The following MIR2052HG variants were observed in gnomAD, a reference collection of about 807,000 sequenced individuals.
MIR2052HG encodes MIR2052 host gene.
chr8:74,712,530 A>T (rs1346955244), intron 4 of MIR2052HG, among the ~76,000 whole-genome samples: 1 of 152,164 alleles, frequency 6.6e-6, no homozygotes, highest in Non-Finnish European at 1.5e-5. Flanking sequence ...CAGACCAGGG[A>T]ATTAAAGATA....
chr8:74,687,484 T>C (rs2128739610), intron 2 of MIR2052HG, among the ~76,000 whole-genome samples: 1 of 152,206 alleles, frequency 6.6e-6, no homozygotes, highest in South Asian at 2.1e-4. Context: ...GAAAATGTGG[T>C]ATATACATAC....
Position 74,618,105 on chromosome 8 carries a change from A to G in MIR2052HG, n.216+5165A>G, listed in dbSNP as rs146386556. Among the ~76,000 whole-genome samples the G allele has an allele frequency of 6.5e-4, 99 of 152,300 alleles. 1 individual carries two copies. In the East Asian group the frequency reaches 0.018, roughly 28 times the overall value. Reference sequence around the variant, plus strand: ...TTTCTCTGCTTCTCCAGATGCATCTATTCACCATGTGATGGCCCCCAATTC... The same window carrying G: ...TTTCTCTGCTTCTCCAGATGCATCTGTTCACCATGTGATGGCCCCCAATTC... On this transcript the variant is annotated intron_variant and non_coding_transcript_variant, in intron 2 of 6. Coordinates refer to ENST00000523442, the Ensembl canonical transcript of MIR2052HG.
chr8:74,723,860 T>A (rs1416402720), intron 4 of MIR2052HG, among the ~76,000 whole-genome samples: 1 of 152,208 alleles, frequency 6.6e-6, no homozygotes, highest in East Asian at 1.9e-4. Context: ...TCGTCTTGAA[T>A]TTGGCTCATG....
At chr8:74,692,949 A>G (rs961722922) in intron 2 of MIR2052HG, among the ~76,000 whole-genome samples, 3 of 152,230 alleles carry the variant, frequency 2.0e-5, no homozygotes, top group Admixed American at 6.5e-5. Flanking sequence ...GACATGACCT[A>G]TGAAAATTAA....
At chr8:74,693,313 A>G (rs1809258422) in intron 2 of MIR2052HG, among the ~76,000 whole-genome samples, 1 of 152,196 alleles carries the variant, frequency 6.6e-6, no homozygotes, top group African/African-American at 2.4e-5. Context: ...ACTTTGTCTC[A>G]CAGGGGTCCT....
chr8:74,622,324 C>G (rs1808373251), intron 2 of MIR2052HG, among the ~76,000 whole-genome samples: 1 of 152,128 alleles, frequency 6.6e-6, no homozygotes, highest in Non-Finnish European at 1.5e-5. Flanking sequence ...AAAATGTTGG[C>G]TGGGTGTGGT....
chr8:74,666,806 C>A (rs1330791510), intron 2 of MIR2052HG, among the ~76,000 whole-genome samples: 2 of 152,176 alleles, frequency 1.3e-5, no homozygotes, highest in Non-Finnish European at 2.9e-5. Context: ...TATAATGAAA[C>A]TATAAAACCT....
At chr8:74,625,170 T>G (rs1434571605) in intron 2 of MIR2052HG, 2 of 152,178 alleles carry the variant, frequency 1.3e-5, no homozygotes, top group Non-Finnish European at 1.5e-5. Context: ...GTGGTCCTCC[T>G]GACTCAGCCT....
intron 2 of MIR2052HG, among the ~76,000 whole-genome samples, chr8:74,627,585 A>G (rs1407127368): frequency 6.6e-6 from 1 of 152,176 alleles, no homozygotes; most frequent in Non-Finnish European, 1.5e-5. Flanking sequence ...CAGATCACGG[A>G]TTTTTTTAAA....
intron 4 of MIR2052HG, among the ~76,000 whole-genome samples, chr8:74,739,130 T>C (rs565714523): frequency 6.6e-6 from 1 of 152,212 alleles, no homozygotes; most frequent in Non-Finnish European, 1.5e-5. Flanking sequence ...ATTTTGCTGT[T>C]ACTAATAAGC....
At chr8:74,652,399 C>T (rs147987091) in intron 2 of MIR2052HG, among the ~76,000 whole-genome samples, 1 of 152,268 alleles carries the variant, frequency 6.6e-6, no homozygotes, top group East Asian at 1.9e-4. Context: ...GAGCCTGTAT[C>T]AGTCTAGGCT....
At chr8:74,698,781 G>T (rs34701269) in intron 2 of MIR2052HG, among the ~76,000 whole-genome samples, 4 of 152,120 alleles carry the variant, frequency 2.6e-5, no homozygotes, top group Admixed American at 2.6e-4. Context: ...GTGCCTCTTA[G>T]GGGGTGGGAG....
At chr8:74,606,137 A>G (rs1462177214) in intron 1 of MIR2052HG, among the ~76,000 whole-genome samples, 1 of 152,240 alleles carries the variant, frequency 6.6e-6, no homozygotes, top group African/African-American at 2.4e-5. Context: ...CAGGGGCTTT[A>G]AGACTATTAC....
At chr8:74,656,552 A>C (rs1401890185) in intron 2 of MIR2052HG, among the ~76,000 whole-genome samples, 3 of 151,910 alleles carry the variant, frequency 2.0e-5, no homozygotes, top group Non-Finnish European at 2.9e-5. Context: ...AGTACCTTTC[A>C]CCTCCTGCCA....
At chr8:74,605,240 A>T (rs1427121228) in intron 1 of MIR2052HG, among the ~76,000 whole-genome samples, 1 of 152,172 alleles carries the variant, frequency 6.6e-6, no homozygotes, top group Non-Finnish European at 1.5e-5. Context: ...TAACTGACCG[A>T]ATTTTAATAC....
At chr8:74,648,731 C>T (rs1340108029) in intron 2 of MIR2052HG, among the ~76,000 whole-genome samples, 2 of 151,754 alleles carry the variant, frequency 1.3e-5, no homozygotes, top group South Asian at 2.1e-4. Context: ...TCCCCCGATA[C>T]GTATTATTTT....
chr8:74,655,524 C>G (rs1203275734), intron 2 of MIR2052HG, among the ~76,000 whole-genome samples: 1 of 152,200 alleles, frequency 6.6e-6, no homozygotes, highest in Admixed American at 6.5e-5. Context: ...TTCAGAGGAT[C>G]CAAGCCCTAA....
intron 2 of MIR2052HG, among the ~76,000 whole-genome samples, chr8:74,644,259 G>C (rs1808668826): frequency 6.6e-6 from 1 of 152,210 alleles, no homozygotes; most frequent in African/African-American, 2.4e-5. Flanking sequence ...ATACGCGACA[G>C]TGGTCCTGTA....
In MIR2052HG at chr8:74,720,866, G is replaced by A. The variant is rs185370412; in HGVS notation, n.371+17184G>A. Reference sequence around the variant, plus strand: ...TGGTAGGAGAGAGAGAGAGTGAAGAGGGAACTGCCAAACACTTTTAAACCA... The same window carrying A: ...TGGTAGGAGAGAGAGAGAGTGAAGAAGGAACTGCCAAACACTTTTAAACCA... On this transcript the variant is annotated intron_variant and non_coding_transcript_variant, in intron 4 of 6. Transcript: ENST00000523442. 1.5e-3 allele frequency among the ~76,000 whole-genome samples: 221 copies of A among 152,188 alleles called. 1 individual carries two copies. Among genetic ancestry groups the A allele is most frequent in the African/African-American group, 4.9e-3 (203 of 41,514 alleles).
Sources: gnomAD v4.1 joint callset for allele counts (sites outside exome capture counted in the v4.1 genomes callset) on GRCh38, gnomAD v4.1.1 for gene constraint, MANE v1.5 for transcripts, NCBI Gene and HGNC (gene_info 2026-07-23, HGNC 2026-07-21) for gene names.